The following KIRREL1 variants were observed in gnomAD, a reference collection of about 807,000 sequenced individuals.
KIRREL1 encodes kin of IRRE-like protein 1.
In KIRREL1, 25 loss-of-function variants were observed where a neutral mutation model predicts 83.3. The ratio of observed to expected loss-of-function variants is 0.30; its 90% CI spans 0.22 to 0.42. The LOEUF (loss-of-function observed/expected upper bound fraction) is 0.42. Among genes scored for constraint, KIRREL1 ranks in the 10% least tolerant of loss-of-function variants. KIRREL1 has a pLI of 1.00. For synonymous variants in KIRREL1, 388 were observed against 410.4 expected (o/e 0.95, Z 0.66); for missense variants, 812 against 1,032.3 (o/e 0.79, Z 2.92).
chr1:158,059,168 T>C (rs1272004692), intron 1 of KIRREL1, among the ~76,000 whole-genome samples: 2 of 152,184 alleles, frequency 1.3e-5, no homozygotes, highest in Non-Finnish European at 1.5e-5. Context: ...GAAGATGTTT[T>C]GGTTCTGCCT....
intron 1 of KIRREL1, among the ~76,000 whole-genome samples, chr1:158,050,199 G>T (rs915260648): frequency 1.3e-5 from 2 of 152,072 alleles, no homozygotes; most frequent in Non-Finnish European, 2.9e-5. Flanking sequence ...GAAGTCCCAG[G>T]TGGCAGTACT....
chr1:158,087,890 G>A, intron 6 of KIRREL1, 30 bp downstream of exon 6: 2 of 1,609,906 alleles, frequency 1.2e-6, no homozygotes, highest in Non-Finnish European at 1.7e-6. Context: ...GGAGCGCTCT[G>A]GGGAGTGATA....
At chr1:158,022,875 C>T (rs146268400) in intron 1 of KIRREL1, among the ~76,000 whole-genome samples, 366 of 152,272 alleles carry the variant, frequency 2.4e-3, no homozygotes, top group African/African-American at 8.4e-3. Flanking sequence ...ACCTGCACAC[C>T]CGCACACTCT....
In KIRREL1 at chr1:158,084,688, T is replaced by G. The variant is rs1661970077; in HGVS notation, c.510+109T>G. 6.1e-6 allele frequency: 7 copies of G among 1,149,838 alleles called. No individual in the cohort carries two copies. The East Asian group carries it at 1.8e-4, about 30-fold the overall frequency. 71.2% of individuals were successfully genotyped at this position (1,149,838 alleles called of 1,614,324 possible). A position where few individuals can be genotyped will look rare whatever the true frequency, so the allele number is the denominator to read the frequency against. On this transcript the variant is annotated intron_variant, in intron 4 of 14. Coordinates refer to ENST00000359209, the MANE Select transcript of KIRREL1 (RefSeq NM_018240.7). ...CAGGAGCACACAGACATGAGAGGGG[T>G]CTTAGAGGTCATCTGGTTCAACCCT...
Position 157,993,667 on chromosome 1 carries a change from G to A in KIRREL1, c.-10G>A. ...CCCAGCCGCGGGCGGGCGCACGGCG[G>A]GCGGACAGCATGCTGAGCCTCCTCG... On this transcript the variant is annotated 5_prime_UTR_variant, in exon 1 of 15. Transcript: ENST00000359209. 1 of 1,478,948 alleles carries A rather than the reference G, an allele frequency of 6.8e-7. No individual in the cohort carries two copies. The highest frequency in any genetic ancestry group is 9.0e-7 in the Non-Finnish European group (1 of 1,112,550). The allele number at this position is 1,478,948 out of a possible 1,614,324, so 91.6% of individuals were successfully genotyped here. A position where few individuals can be genotyped will look rare whatever the true frequency, so the allele number is the denominator to read the frequency against.
In KIRREL1 at chr1:157,993,651, G is replaced by A; in HGVS notation, c.-26G>A. The A allele has an allele frequency of 6.8e-7, 1 of 1,467,786 alleles. No homozygotes were observed. Among genetic ancestry groups the A allele is most frequent in the Non-Finnish European group, 9.0e-7 (1 of 1,105,452 alleles). The allele number at this position is 1,467,786 out of a possible 1,614,324, so 90.9% of individuals were successfully genotyped here. Reference sequence around the variant, plus strand: ...CTCGCCAACTCCGGGCCCCAGCCGCGGGCGGGCGCACGGCGGGCGGACAGC... The same window carrying A: ...CTCGCCAACTCCGGGCCCCAGCCGCAGGCGGGCGCACGGCGGGCGGACAGC... On this transcript the variant is annotated 5_prime_UTR_variant, in exon 1 of 15. Transcript: ENST00000359209.
chr1:158,020,600 C>CAGAAAAAAAAAAAAAAAAAAA (rs1659978208), intron 1 of KIRREL1, among the ~76,000 whole-genome samples: 1 of 83,678 alleles, frequency 1.2e-5, no homozygotes, highest in Non-Finnish European at 2.1e-5. Context: ...TACAGTAAAT[C>CAGAAAAAAAAAAAAAAAAAAA]AAAAAAAAAA....
intron 5 of KIRREL1, 126 bp from the exon 6 acceptor site, chr1:158,087,629 G>T: frequency 4.6e-6 from 3 of 650,296 alleles, no homozygotes; most frequent in Non-Finnish European, 8.1e-6. Flanking sequence ...AACTGGAGCC[G>T]ATACACTGCA....
chr1:158,050,402 A>G (rs1482582237), intron 1 of KIRREL1, among the ~76,000 whole-genome samples: 1 of 152,044 alleles, frequency 6.6e-6, no homozygotes, highest in Non-Finnish European at 1.5e-5. Context: ...TCAACAGTAA[A>G]GCCAGAATTG....
At chr1:158,007,554 A>C (rs1659554061) in intron 1 of KIRREL1, among the ~76,000 whole-genome samples, 1 of 152,152 alleles carries the variant, frequency 6.6e-6, no homozygotes, top group Admixed American at 6.5e-5. Context: ...ACACACAGGC[A>C]GAGCCCCCCG....
At chr1:158,077,338 C>T (rs759728412) in intron 2 of KIRREL1, among the ~76,000 whole-genome samples, 4 of 152,060 alleles carry the variant, frequency 2.6e-5, no homozygotes, top group Non-Finnish European at 4.4e-5. Context: ...TGAGAAGAAT[C>T]GATAGCCTCT....
At chr1:158,040,320 A>T (rs1660591921) in intron 1 of KIRREL1, among the ~76,000 whole-genome samples, 1 of 152,252 alleles carries the variant, frequency 6.6e-6, no homozygotes, top group Admixed American at 6.5e-5. Context: ...GAAATGCCAT[A>T]AAGCATAGCA....
chr1:158,075,962 C>T, intron 1 of KIRREL1, 151 bp from the exon 2 acceptor site: 1 of 677,202 alleles, frequency 1.5e-6, no homozygotes, highest in Non-Finnish European at 2.5e-6. Flanking sequence ...CATCTTGAAA[C>T]AAAGGGGTTG....
intron 1 of KIRREL1, among the ~76,000 whole-genome samples, chr1:158,036,415 T>A (rs144179371): frequency 6.6e-6 from 1 of 152,274 alleles, no homozygotes; most frequent in East Asian, 1.9e-4. Flanking sequence ...TTTTGCAGAC[T>A]GAGTAATAAG....
At chr1:158,040,120 G>C (rs1388752558) in intron 1 of KIRREL1, among the ~76,000 whole-genome samples, 1 of 152,180 alleles carries the variant, frequency 6.6e-6, no homozygotes, top group Non-Finnish European at 1.5e-5. Flanking sequence ...ATGTCTAGGG[G>C]CATAACATAA....
chr1:158,094,188 CAA>C lies in KIRREL1; in HGVS notation c.1720-124_1720-123del. Reference sequence around the variant, plus strand: ...AGCCTCTGCTGAGAGGACCAGAACTCAAGTCTGCCCTTGACCTCAGACCCCAC... The same window carrying C: ...AGCCTCTGCTGAGAGGACCAGAACTCGTCTGCCCTTGACCTCAGACCCCAC... On this transcript the variant is annotated intron_variant, in intron 13 of 14. Coordinates refer to ENST00000359209, the MANE Select transcript of KIRREL1 (RefSeq NM_018240.7). This position sits in a 1 kb window ranked among gnomAD's most constrained non-coding sequence, Gnocchi z 4.6. 1.3e-6 allele frequency: 1 copy of C among 790,808 alleles called. No individual in the cohort carries two copies. Among genetic ancestry groups the C allele is most frequent in the African/African-American group, 1.7e-5 (1 of 58,808 alleles). The allele number at this position is 790,808 out of a possible 1,614,324, so 49.0% of individuals were successfully genotyped here. A position where few individuals can be genotyped will look rare whatever the true frequency, so the allele number is the denominator to read the frequency against.
chr1:158,033,393 C>A (rs1252441684), intron 1 of KIRREL1, among the ~76,000 whole-genome samples: 3 of 152,132 alleles, frequency 2.0e-5, no homozygotes, highest in African/African-American at 7.2e-5. Context: ...TTGAGAGTAC[C>A]CCCACCACTA....
At position 158,088,319 on chromosome 1, in the gene KIRREL1, C is replaced by A. The variant is rs6427419; in HGVS notation, c.917-8C>A. 826,101 of 1,608,044 alleles carry A rather than the reference C, an allele frequency of 0.51. 221,194 individuals are homozygous for A. The highest frequency in any genetic ancestry group is 0.67 in the East Asian group (30,138 of 44,776). ...GACCCTAACGAGTGGCTTCTTTCTC[C>A]CTCACAGTTGCTCCCCGGATTGTAG... On this transcript the variant is annotated splice_polypyrimidine_tract_variant and splice_region_variant and intron_variant, in intron 7 of 14. Transcript: ENST00000359209.
intron 1 of KIRREL1, among the ~76,000 whole-genome samples, chr1:158,045,654 ACT>A (rs1660760392): frequency 6.6e-6 from 1 of 152,102 alleles, no homozygotes; most frequent in Non-Finnish European, 1.5e-5. Flanking sequence ...AGGTTCCATG[ACT>A]CTAGGAGTCC....
Sources: allele counts gnomAD v4.1 joint callset (sites outside exome capture counted in the v4.1 genomes callset), GRCh38; gene constraint gnomAD v4.1.1; non-coding constraint Gnocchi (gnomAD v3.1); transcripts MANE v1.5; gene names NCBI Gene and HGNC (gene_info 2026-07-23, HGNC 2026-07-21).